The following TRAPPC9 variants were observed in gnomAD, a reference collection of about 807,000 sequenced individuals.
TRAPPC9 encodes trafficking protein particle complex subunit 9.
A neutral mutation model predicts 124.0 loss-of-function variants in TRAPPC9; 83 were observed. That is an observed-to-expected ratio of 0.67 (90% confidence interval 0.56 to 0.80). The LOEUF (loss-of-function observed/expected upper bound fraction) is 0.80, where lower values mean the gene tolerates loss of function less well. Ranked by LOEUF, TRAPPC9 falls within the 30% of genes least tolerant of loss-of-function variation. The pLI is 0.00. For synonymous variants in TRAPPC9, 638 were observed against 617.5 expected (o/e 1.03, Z -0.49); for missense variants, 1,302 against 1,508.3 (o/e 0.86, Z 2.27).
intron 9 of TRAPPC9, among the ~76,000 whole-genome samples, chr8:140,337,170 A>G (rs1186077638): frequency 6.6e-6 from 1 of 152,150 alleles, no homozygotes; most frequent in Non-Finnish European, 1.5e-5. Context: ...CAGCCGCGGA[A>G]GCCCACCATG....
chr8:140,249,163 T>C (rs2064062417), intron 16 of TRAPPC9, among the ~76,000 whole-genome samples: 1 of 142,720 alleles, frequency 7.0e-6, no homozygotes, highest in Non-Finnish European at 1.5e-5. Context: ...AACTGGTTTT[T>C]CCCTCCCTGA....
chr8:140,390,298 C>T (rs1438598243), intron 7 of TRAPPC9, among the ~76,000 whole-genome samples: 1 of 152,110 alleles, frequency 6.6e-6, no homozygotes, highest in African/African-American at 2.4e-5. Context: ...AAGTGAGACC[C>T]TGTCTCTAAA....
chr8:139,921,331 C>T (rs1405542340), intron 19 of TRAPPC9, among the ~76,000 whole-genome samples: 2 of 152,308 alleles, frequency 1.3e-5, no homozygotes, highest in South Asian at 2.1e-4. Context: ...GTTCAGAGAA[C>T]AGCTGTCATC....
intron 7 of TRAPPC9, among the ~76,000 whole-genome samples, chr8:140,380,610 G>C (rs112848413): frequency 3.5e-5 from 5 of 141,182 alleles, no homozygotes; most frequent in African/African-American, 1.3e-4. Flanking sequence ...AGCCAAGATC[G>C]TGCCACTGTA....
At chr8:140,451,427 A>T in intron 1 of TRAPPC9, 44 bp from the exon 2 acceptor site, 1 of 1,520,436 alleles carries the variant, frequency 6.6e-7, no homozygotes, top group African/African-American at 1.4e-5. Context: ...CAGAGTCCTG[A>T]GTGCTGAGAG....
chr8:139,988,776 G>A lies in TRAPPC9; in HGVS notation c.2760C>T (p.Val920=), dbSNP rs1380953873. The part of the protein sequence containing the change: ...VFNSTEHELT[V]STRSSEALIL... ...TGAGTGCCTCGCTGCTCCTGGTGCT[G>A]ACGGTCAGCTCATGCTCGGTGGAGT... The change falls in exon 19 of 23, where the codon GTC becomes GTT. Residue 920 remains valine, a synonymous_variant. Coordinates refer to ENST00000438773, the MANE Select transcript of TRAPPC9 (RefSeq NM_001160372.4). 1.3e-6 allele frequency: 2 copies of A among 1,551,524 alleles called. No individual in the cohort carries two copies. Among genetic ancestry groups the A allele is most frequent in the South Asian group, 1.2e-5 (1 of 84,058 alleles).
intron 9 of TRAPPC9, among the ~76,000 whole-genome samples, chr8:140,319,971 C>T (rs532957430): frequency 8.0e-4 from 122 of 152,254 alleles, no homozygotes; most frequent in Admixed American, 2.2e-3. Flanking sequence ...GGCTTGCATT[C>T]AGTCAGTTAT....
rs541580554 is a variant in TRAPPC9, at chr8:139,924,788, G to A, written c.2811-14488C>T. On this transcript the variant is annotated intron_variant, in intron 19 of 22. Transcript: ENST00000438773. ...GATACCTATTTCGTCCACCTCCTTC[G>A]CTCCTGGACCGTGAATTCTACAGAG... 6.6e-5 allele frequency among the ~76,000 whole-genome samples: 10 copies of A among 152,264 alleles called. No homozygotes were observed. In the South Asian group the frequency reaches 1.5e-3, roughly 22 times the overall value.
At chr8:140,350,501 A>G (rs6578099) in intron 9 of TRAPPC9, among the ~76,000 whole-genome samples, 128,641 of 152,260 alleles carry the variant, frequency 0.84, 54,735 homozygotes, top group African/African-American at 0.96. Context: ...TCCATTTAAC[A>G]GTATTTCTTC....
At chr8:139,757,632 TG>T (rs1271124647) in intron 21 of TRAPPC9, among the ~76,000 whole-genome samples, 1 of 152,006 alleles carries the variant, frequency 6.6e-6, no homozygotes, top group East Asian at 1.9e-4. Context: ...GTGGCTGCTC[TG>T]GCAGTGCCTG....
chr8:140,047,121 C>G (rs143978462), intron 17 of TRAPPC9, among the ~76,000 whole-genome samples: 5 of 152,348 alleles, frequency 3.3e-5, no homozygotes, highest in African/African-American at 1.2e-4. Flanking sequence ...GCCCCGCCAG[C>G]CTCTCCCGGC....
intron 21 of TRAPPC9, among the ~76,000 whole-genome samples, chr8:139,781,067 G>A (rs936719986): frequency 6.6e-6 from 1 of 152,148 alleles, no homozygotes; most frequent in Non-Finnish European, 1.5e-5. Flanking sequence ...TGATGGGAAA[G>A]CAAAATGGTA....
At chr8:139,860,531 G>T (rs1356109991) in intron 21 of TRAPPC9, among the ~76,000 whole-genome samples, 4 of 152,160 alleles carry the variant, frequency 2.6e-5, no homozygotes, top group Non-Finnish European at 4.4e-5. Flanking sequence ...GCTCAAAGAG[G>T]CTCTGACAGT....
At position 140,087,405 on chromosome 8, in the gene TRAPPC9, T is replaced by C. The variant is rs1488557820; in HGVS notation, c.2557-63326A>G. ...CACACTTCTCCCTCCAGCCCAGACCTCTCCCTGGAGCACAGATGGAACACC... is the reference window on the plus strand; with the variant it reads ...CACACTTCTCCCTCCAGCCCAGACCCCTCCCTGGAGCACAGATGGAACACC... On this transcript the variant is annotated intron_variant, in intron 17 of 22. Coordinates refer to ENST00000438773, the MANE Select transcript of TRAPPC9 (RefSeq NM_001160372.4). This position sits in a 1 kb window ranked among gnomAD's most constrained non-coding sequence, Gnocchi z 4.6. 6.6e-6 allele frequency among the ~76,000 whole-genome samples: 1 copy of C among 151,982 alleles called. No individual in the cohort carries two copies. The highest frequency in any genetic ancestry group is 1.5e-5 in the Non-Finnish European group (1 of 68,008).
At chr8:140,377,852 T>C (rs1369872447) in intron 7 of TRAPPC9, among the ~76,000 whole-genome samples, 4 of 151,796 alleles carry the variant, frequency 2.6e-5, no homozygotes, top group African/African-American at 4.8e-5. Context: ...CCCAGCTACT[T>C]GGGAAGCTGA....
chr8:139,903,941 C>T (rs1287072673), intron 20 of TRAPPC9, among the ~76,000 whole-genome samples: 4 of 152,136 alleles, frequency 2.6e-5, no homozygotes, highest in Non-Finnish European at 5.9e-5. Flanking sequence ...ACCCAGGAGG[C>T]GGAGGTTGCA....
intron 21 of TRAPPC9, among the ~76,000 whole-genome samples, chr8:139,792,590 G>A (rs1430772226): frequency 6.6e-6 from 1 of 152,176 alleles, no homozygotes; most frequent in African/African-American, 2.4e-5. Context: ...AGGCTGGGGA[G>A]CCAGGGCCAC....
chr8:140,372,430 A>C (rs2068309437), intron 7 of TRAPPC9, among the ~76,000 whole-genome samples: 1 of 152,060 alleles, frequency 6.6e-6, no homozygotes, highest in East Asian at 1.9e-4. Context: ...GTCAGCCCTC[A>C]TCTGGAAGAG....
chr8:140,258,797 C>A (rs144024208), intron 15 of TRAPPC9, among the ~76,000 whole-genome samples: 239 of 152,356 alleles, frequency 1.6e-3, no homozygotes, highest in African/African-American at 5.5e-3. Context: ...TTGCTGGGGG[C>A]CAGGGCCCAA....
Sources: allele counts gnomAD v4.1 joint callset (sites outside exome capture counted in the v4.1 genomes callset), GRCh38; gene constraint gnomAD v4.1.1; non-coding constraint Gnocchi (gnomAD v3.1); transcripts MANE v1.5; gene names NCBI Gene and HGNC (gene_info 2026-07-23, HGNC 2026-07-21).